STPG2: variants seen among roughly 807,000 people sequenced by gnomAD.
STPG2 encodes sperm tail PG-rich repeat containing 2.
In STPG2, 56 loss-of-function variants were observed where a neutral mutation model predicts 54.2. That is an observed-to-expected ratio of 1.03 (90% CI 0.83 to 1.29). STPG2 has a LOEUF of 1.29. STPG2 is among the 50% of genes most tolerant of loss of function. STPG2 has a pLI of 0.00. For missense variants in STPG2, 596 were observed against 544.9 expected, an observed-to-expected ratio of 1.09 and a Z score of -0.93; for synonymous variants, 200 against 181.8, an observed-to-expected ratio of 1.10 and a Z score of -0.81.
chr4:97,458,505 T>C (rs1314519114), intron 4 of STPG2, among the ~76,000 whole-genome samples: 1 of 152,186 alleles, frequency 6.6e-6, no homozygotes, highest in Non-Finnish European at 1.5e-5. Flanking sequence ...AAATTATAAA[T>C]ATATAGTATA....
chr4:97,493,554 T>TTG (rs1300814145), intron 4 of STPG2, among the ~76,000 whole-genome samples: 2 of 151,424 alleles, frequency 1.3e-5, no homozygotes, highest in African/African-American at 4.8e-5. Flanking sequence ...ATATACAAGT[T>TTG]ATCACATGCT....
chr4:97,564,900 T>C (rs373657559), intron 10 of STPG2, among the ~76,000 whole-genome samples: 25 of 152,268 alleles, frequency 1.6e-4, no homozygotes, highest in Admixed American at 1.0e-3. Context: ...GTGAATCTGA[T>C]AATTATGTGT....
chr4:97,594,920 G>A (rs1733243844), intron 10 of STPG2, among the ~76,000 whole-genome samples: 1 of 152,168 alleles, frequency 6.6e-6, no homozygotes, highest in African/African-American at 2.4e-5. Flanking sequence ...ACACCAGTTA[G>A]AATGGCGATC....
intron 5 of STPG2, among the ~76,000 whole-genome samples, chr4:98,017,229 G>C (rs560241181): frequency 6.6e-6 from 1 of 152,362 alleles, no homozygotes; most frequent in Non-Finnish European, 1.5e-5. Flanking sequence ...TGGGTCTTCA[G>C]TGGCCATACT....
chr4:97,862,176 C>A (rs957189264), intron 8 of STPG2, among the ~76,000 whole-genome samples: 1 of 151,604 alleles, frequency 6.6e-6, no homozygotes, highest in Non-Finnish European at 1.5e-5. Context: ...TTCAGGAAAC[C>A]CATCTCACCT....
intron 10 of STPG2, among the ~76,000 whole-genome samples, chr4:97,698,991 T>C (rs1330599811): frequency 6.6e-6 from 1 of 152,158 alleles, no homozygotes; most frequent in African/African-American, 2.4e-5. Context: ...GGCAGAAGCA[T>C]TGCATACAGG....
chr4:97,582,591 G>T (rs1362217159), intron 10 of STPG2, among the ~76,000 whole-genome samples: 3 of 152,016 alleles, frequency 2.0e-5, no homozygotes, highest in Non-Finnish European at 2.9e-5. Flanking sequence ...TATGAAATAT[G>T]ATTTCTCAGA....
chr4:97,891,945 G>A (rs1405423707), intron 8 of STPG2, among the ~76,000 whole-genome samples: 1 of 151,956 alleles, frequency 6.6e-6, no homozygotes, highest in Non-Finnish European at 1.5e-5. Flanking sequence ...CCCATTGCTG[G>A]CTATCTGGTA....
At chr4:97,820,230 T>G (rs1282789207) in intron 9 of STPG2, among the ~76,000 whole-genome samples, 1 of 152,100 alleles carries the variant, frequency 6.6e-6, no homozygotes, top group East Asian at 1.9e-4. Context: ...ACTTAATCTA[T>G]AAATGTGGTG....
At chr4:97,796,211 C>T (rs1383663324) in intron 9 of STPG2, among the ~76,000 whole-genome samples, 1 of 152,140 alleles carries the variant, frequency 6.6e-6, no homozygotes, top group Non-Finnish European at 1.5e-5. Context: ...TTAATTAGAT[C>T]CCATTTGTCA....
intron 4 of STPG2, among the ~76,000 whole-genome samples, chr4:97,455,985 C>A (rs1024410169): frequency 6.6e-6 from 1 of 152,084 alleles, no homozygotes; most frequent in African/African-American, 2.4e-5. Flanking sequence ...TTTCCCGTGT[C>A]AATATTTTAC....
intron 5 of STPG2, among the ~76,000 whole-genome samples, chr4:98,053,322 A>C (rs913819151): frequency 2.6e-5 from 4 of 152,128 alleles, no homozygotes; most frequent in African/African-American, 9.7e-5. Flanking sequence ...AACATGCAAC[A>C]AGAGATCCAC....
At chr4:97,895,865 G>A (rs1422707983) in intron 8 of STPG2, among the ~76,000 whole-genome samples, 1 of 151,718 alleles carries the variant, frequency 6.6e-6, no homozygotes, top group African/African-American at 2.4e-5. Context: ...ATATCCCAAG[G>A]CATCCTCCCC....
intron 8 of STPG2, among the ~76,000 whole-genome samples, chr4:97,933,269 T>G (rs1732619456): frequency 6.6e-6 from 1 of 152,206 alleles, no homozygotes; most frequent in African/African-American, 2.4e-5. Flanking sequence ...ATTAGACCTT[T>G]GTCAGGCGGG....
At chr4:97,624,091 G>C (rs912263566) in intron 10 of STPG2, among the ~76,000 whole-genome samples, 4 of 152,138 alleles carry the variant, frequency 2.6e-5, no homozygotes, top group South Asian at 2.1e-4. Flanking sequence ...TAGTGGTGCA[G>C]TGAACGTATA....
At chr4:97,838,519 T>C (rs1728699652) in intron 9 of STPG2, among the ~76,000 whole-genome samples, 1 of 151,192 alleles carries the variant, frequency 6.6e-6, no homozygotes, top group African/African-American at 2.4e-5. Context: ...ATTTTTTGGT[T>C]ATATTGATCA....
chr4:97,805,257 A>G (rs1422904770), intron 9 of STPG2, among the ~76,000 whole-genome samples: 1 of 152,074 alleles, frequency 6.6e-6, no homozygotes, highest in African/African-American at 2.4e-5. Context: ...CTCAGGCTGG[A>G]GTGCAGTGGC....
intron 10 of STPG2, among the ~76,000 whole-genome samples, chr4:97,593,619 A>G (rs1017651689): frequency 6.6e-6 from 1 of 152,174 alleles, no homozygotes; most frequent in Non-Finnish European, 1.5e-5. Context: ...GAAACACTGC[A>G]GCCCCAGACC....
At chr4:97,672,828 A>G (rs1722740416) in intron 10 of STPG2, among the ~76,000 whole-genome samples, 1 of 152,236 alleles carries the variant, frequency 6.6e-6, no homozygotes, top group South Asian at 2.1e-4. Context: ...AGATGACAAC[A>G]GAATGTAAAA....
Sources: gnomAD v4.1 joint callset for allele counts (sites outside exome capture counted in the v4.1 genomes callset) on GRCh38, gnomAD v4.1.1 for gene constraint, MANE v1.5 for transcripts, NCBI Gene and HGNC (gene_info 2026-07-23, HGNC 2026-07-21) for gene names.